FNIP2: variants seen among roughly 807,000 people sequenced by gnomAD.
FNIP2 encodes folliculin interacting protein 2, also known as folliculin-interacting protein 2.
Under a neutral mutation model 108.7 loss-of-function variants are expected in FNIP2, and 32 were observed. The observed-to-expected ratio is 0.29, with a 90% confidence interval of 0.22 to 0.40. The LOEUF (loss-of-function observed/expected upper bound fraction) is 0.40. Ranked by LOEUF, FNIP2 falls within the 10% of genes least tolerant of loss-of-function variation. FNIP2 has a pLI of 1.00. For missense variants in FNIP2, 1,202 were observed against 1,381.6 expected, an observed-to-expected ratio of 0.87 and a Z score of 2.06; for synonymous variants, 480 against 496.7, an observed-to-expected ratio of 0.97 and a Z score of 0.45.
intron 16 of FNIP2, 63 bp from the exon 17 acceptor site, chr4:158,904,400 AAAT>A (rs750431817): frequency 3.5e-5 from 48 of 1,377,734 alleles, no homozygotes; most frequent in Non-Finnish European, 4.4e-5. Flanking sequence ...TCATAAAAAG[AAAT>A]AATACTTTCT....
chr4:158,803,146 CA>C (rs1417784365), intron 1 of FNIP2, among the ~76,000 whole-genome samples: 1 of 152,162 alleles, frequency 6.6e-6, no homozygotes, highest in African/African-American at 2.4e-5. Context: ...GGAGTCTAGT[CA>C]GTGATTGCAG....
At chr4:158,798,887 A>AT (rs1560760800) in intron 1 of FNIP2, among the ~76,000 whole-genome samples, 1 of 152,208 alleles carries the variant, frequency 6.6e-6, no homozygotes, top group Non-Finnish European at 1.5e-5. Flanking sequence ...GCCTGAATGA[A>AT]TTTTTTATTC....
intron 14 of FNIP2, among the ~76,000 whole-genome samples, chr4:158,891,063 G>C (rs1782248380): frequency 6.6e-6 from 1 of 152,206 alleles, no homozygotes; most frequent in Non-Finnish European, 1.5e-5. Context: ...CCCCAGGATA[G>C]TAGAAAGGAG....
intron 1 of FNIP2, among the ~76,000 whole-genome samples, chr4:158,813,187 G>T (rs1331746300): frequency 3.3e-5 from 5 of 152,136 alleles, no homozygotes; most frequent in East Asian, 3.9e-4. Flanking sequence ...ACAGCTGCAG[G>T]CTTTTCAGCT....
chr4:158,896,497 TTTGGG>T (rs927374494), intron 16 of FNIP2, among the ~76,000 whole-genome samples: 517 of 152,320 alleles, frequency 3.4e-3, no homozygotes, highest in Middle Eastern at 0.02. Context: ...ACATTGTACA[TTTGGG>T]GAACTGCCCC....
chr4:158,792,721 G>A (rs1449748333), intron 1 of FNIP2, among the ~76,000 whole-genome samples: 1 of 152,180 alleles, frequency 6.6e-6, no homozygotes, highest in Admixed American at 6.5e-5. Flanking sequence ...CACTAATTCA[G>A]TGTTCATGGT....
intron 10 of FNIP2, 136 bp from the exon 11 acceptor site, chr4:158,861,206 C>G: frequency 9.4e-7 from 1 of 1,059,632 alleles, no homozygotes; most frequent in South Asian, 1.8e-5. Context: ...AGTGTGCAAC[C>G]CCTGTTATGT....
intron 14 of FNIP2, chr4:158,871,743 TATC>T (rs1780961179): frequency 5.1e-6 from 5 of 984,494 alleles, no homozygotes; most frequent in Non-Finnish European, 6.0e-6. Context: ...GTCCCTATAA[TATC>T]ATAATTATTT....
At chr4:158,871,404 G>A (rs1780941655) in intron 14 of FNIP2, 7 of 985,272 alleles carry the variant, frequency 7.1e-6, no homozygotes, top group Non-Finnish European at 8.4e-6. Flanking sequence ...TGGCCAACAA[G>A]TATTTTTTTT....
chr4:158,899,781 T>C (rs1783038788), intron 16 of FNIP2, among the ~76,000 whole-genome samples: 1 of 152,194 alleles, frequency 6.6e-6, no homozygotes, highest in Non-Finnish European at 1.5e-5. Flanking sequence ...ATTTTGTTGA[T>C]CTTTTCAAAA....
rs542124691 is a variant in FNIP2, at chr4:158,906,532, T to A, written c.*1988T>A. Reference sequence around the variant, plus strand: ...TTCTAAACTCTATACATTAAAAAAATTCAGCCCAGGCCCCTCAAAGCCTGA... The same window carrying A: ...TTCTAAACTCTATACATTAAAAAAAATCAGCCCAGGCCCCTCAAAGCCTGA... On this transcript the variant is annotated 3_prime_UTR_variant, in exon 17 of 17. Coordinates refer to ENST00000264433, the MANE Select transcript of FNIP2 (RefSeq NM_020840.3). 2.0e-5 allele frequency: 3 copies of A among 152,276 alleles called. No individual in the cohort carries two copies. In the East Asian group the frequency reaches 5.8e-4, roughly 29 times the overall value. The allele number at this position is 152,276 out of a possible 1,614,324, so 9.4% of individuals were successfully genotyped here. A position where few individuals can be genotyped will look rare whatever the true frequency, so the allele number is the denominator to read the frequency against.
At chr4:158,781,143 T>C (rs1176226540) in intron 1 of FNIP2, among the ~76,000 whole-genome samples, 1 of 152,002 alleles carries the variant, frequency 6.6e-6, no homozygotes, top group Non-Finnish European at 1.5e-5. Context: ...TAATTAATAA[T>C]ACAAAACAGT....
chr4:158,894,899 A>AAG (rs1316569071), intron 15 of FNIP2, among the ~76,000 whole-genome samples: 2 of 152,226 alleles, frequency 1.3e-5, no homozygotes, highest in Non-Finnish European at 2.9e-5. Context: ...CCAGATGGTC[A>AAG]AGATCAACAT....
At chr4:158,787,867 G>T (rs1023574274) in intron 1 of FNIP2, among the ~76,000 whole-genome samples, 3 of 152,130 alleles carry the variant, frequency 2.0e-5, no homozygotes, top group African/African-American at 7.2e-5. Context: ...CTTAAGTCCA[G>T]TCAAAGCGAA....
At chr4:158,841,820 C>T (rs1305586782) in intron 7 of FNIP2, among the ~76,000 whole-genome samples, 1 of 152,244 alleles carries the variant, frequency 6.6e-6, no homozygotes, top group African/African-American at 2.4e-5. Context: ...ACTGACTCCC[C>T]AGCAACGGGA....
intron 14 of FNIP2, among the ~76,000 whole-genome samples, chr4:158,885,040 C>T (rs1429035649): frequency 1.3e-5 from 2 of 151,610 alleles, no homozygotes; most frequent in African/African-American, 4.9e-5. Context: ...CCTGTAGTCC[C>T]AGCTACTCGG....
intron 14 of FNIP2, among the ~76,000 whole-genome samples, chr4:158,888,296 G>A (rs1578984814): frequency 6.6e-6 from 1 of 152,272 alleles, no homozygotes; most frequent in Middle Eastern, 3.4e-3. Context: ...TTTTGAAAAG[G>A]TTCTGCTGGT....
At chr4:158,807,994 C>G (rs115969083) in intron 1 of FNIP2, among the ~76,000 whole-genome samples, 1 of 152,102 alleles carries the variant, frequency 6.6e-6, no homozygotes, top group Non-Finnish European at 1.5e-5. Context: ...GAGAGAGTAA[C>G]GGAGTGACAC....
intron 1 of FNIP2, among the ~76,000 whole-genome samples, chr4:158,771,034 C>A (rs1775682244): frequency 6.6e-6 from 1 of 152,148 alleles, no homozygotes; most frequent in Non-Finnish European, 1.5e-5. Context: ...GAAATTGATT[C>A]CCACTTCATG....
Sources: allele counts gnomAD v4.1 joint callset (sites outside exome capture counted in the v4.1 genomes callset), GRCh38; gene constraint gnomAD v4.1.1; transcripts MANE v1.5; gene names NCBI Gene and HGNC (gene_info 2026-07-23, HGNC 2026-07-21).